Variants in SLC66A2 observed in about 807,000 individuals in gnomAD.
The protein encoded by SLC66A2 is solute carrier family 66 member 2.
A neutral mutation model predicts 25.5 loss-of-function variants in SLC66A2; 23 were observed. That is an observed-to-expected ratio of 0.90 (90% CI 0.65 to 1.28). SLC66A2 has a LOEUF of 1.28. Ranked by LOEUF, SLC66A2 falls within the 50% of genes most tolerant of loss-of-function variation. The pLI, the probability that SLC66A2 is intolerant of heterozygous loss-of-function variation, is 0.00. For missense variants in SLC66A2, 396 were observed against 373.1 expected (o/e 1.06, Z -0.51); for synonymous variants, 193 against 166.5 (o/e 1.16, Z -1.23).
intron 5 of SLC66A2, among the ~76,000 whole-genome samples, chr18:79,910,571 G>C (rs1982964226): frequency 6.6e-6 from 1 of 152,148 alleles, no homozygotes; most frequent in South Asian, 2.1e-4. Context: ...CATCACACAT[G>C]AATGAACTAA....
chr18:79,937,039 G>C lies in SLC66A2; in HGVS notation c.338-3017C>G, dbSNP rs990994111. On this transcript the variant is annotated intron_variant, in intron 3 of 5. Coordinates refer to ENST00000397778, the MANE Select transcript of SLC66A2 (RefSeq NM_025078.5). This position sits in a 1 kb window ranked among gnomAD's most constrained non-coding sequence, Gnocchi z 5.4. ...AGGCTAAGCGACACAGCCAGGCCTG[G>C]AGGTTTGAAGTCAAATGGAAAGAAT... 6.6e-6 allele frequency among the ~76,000 whole-genome samples: 1 copy of C among 152,258 alleles called. No homozygotes were observed. Among genetic ancestry groups the C allele is most frequent in the Admixed American group, 6.5e-5 (1 of 15,294 alleles).
chr18:79,924,308 C>T (rs1356311766), intron 4 of SLC66A2, among the ~76,000 whole-genome samples: 1 of 152,182 alleles, frequency 6.6e-6, no homozygotes, highest in Admixed American at 6.5e-5. Context: ...TGAAACAGGA[C>T]ACCAAGTGAC....
At chr18:79,949,893 G>C (rs894797869) in intron 2 of SLC66A2, 2 of 152,234 alleles carry the variant, frequency 1.3e-5, no homozygotes, top group African/African-American at 4.8e-5. Flanking sequence ...TTAGAATGCA[G>C]CTGTGAGACC....
rs1981712535 is a variant in SLC66A2 at position 79,904,333 on chromosome 18, C to A, written c.609-150G>T. On this transcript the variant is annotated intron_variant, in intron 5 of 5. Transcript: ENST00000397778. The surrounding 1 kb of genome is among the most constrained non-coding windows in gnomAD (Gnocchi z 6.3). ...GACCCCCAGGCAGTCGGCGGGGAGG[C>A]CTGGGGCTCAGGGGGCACCCAGGGG... 2.8e-6 allele frequency: 2 copies of A among 715,628 alleles called. No individual in the cohort carries two copies. Among genetic ancestry groups the A allele is most frequent in the African/African-American group, 3.6e-5 (2 of 54,826 alleles). The allele number at this position is 715,628 out of a possible 1,614,324, so 44.3% of individuals were successfully genotyped here. A position where few individuals can be genotyped will look rare whatever the true frequency, so the allele number is the denominator to read the frequency against.
chr18:79,935,520 G>T (rs527523403), intron 3 of SLC66A2: 1 of 152,296 alleles, frequency 6.6e-6, no homozygotes, highest in African/African-American at 2.4e-5. Flanking sequence ...CTCCACACTC[G>T]GCATCAGGAG....
chr18:79,911,143 C>T (rs969867268), intron 5 of SLC66A2, among the ~76,000 whole-genome samples: 3 of 152,220 alleles, frequency 2.0e-5, no homozygotes, highest in South Asian at 2.1e-4. Flanking sequence ...GGAGGGAAAT[C>T]GGGGGTCGGG....
At chr18:79,911,290 C>G (rs905967083) in intron 5 of SLC66A2, among the ~76,000 whole-genome samples, 2 of 152,262 alleles carry the variant, frequency 1.3e-5, no homozygotes, top group Admixed American at 1.3e-4. Context: ...ACGCCTCCAA[C>G]ACACAGAACC....
chr18:79,939,504 T>C (rs954570551), intron 3 of SLC66A2, among the ~76,000 whole-genome samples: 10 of 152,202 alleles, frequency 6.6e-5, no homozygotes, highest in Admixed American at 5.9e-4. Flanking sequence ...AAAGGTCTAA[T>C]ATCCAGCAAC....
In SLC66A2 at chr18:79,902,827, C is replaced by T. The variant is rs931639412; in HGVS notation, c.*1149G>A. The T allele has an allele frequency of 1.3e-5, 2 of 152,584 alleles. No homozygotes were observed. Among genetic ancestry groups the T allele is most frequent in the African/African-American group, 4.8e-5 (2 of 41,472 alleles). The allele number at this position is 152,584 out of a possible 1,614,324, so 9.5% of individuals were successfully genotyped here. On this transcript the variant is annotated 3_prime_UTR_variant, in exon 6 of 6. Coordinates refer to ENST00000397778, the MANE Select transcript of SLC66A2 (RefSeq NM_025078.5). ...CAAGGCTGCTGACATGGTGTGACCT[C>T]TTGCAACGGGGTGGGGGCAGAGCGT... is the stretch of plus-strand genomic sequence containing the variant.
intron 5 of SLC66A2, among the ~76,000 whole-genome samples, chr18:79,916,170 GCTCCCGTACCCTCCCATACCCA>G (rs1984073544): frequency 4.6e-5 from 2 of 43,024 alleles, no homozygotes; most frequent in African/African-American, 1.1e-4. Context: ...TACCCGCAGT[GCTCCCGTACCCTCCCATACCCA>G]CGGTGCTCCC....
intron 5 of SLC66A2, among the ~76,000 whole-genome samples, chr18:79,912,270 G>A (rs140771652): frequency 9.0e-4 from 137 of 152,178 alleles, no homozygotes; most frequent in African/African-American, 3.1e-3. Context: ...GGAAAACTAC[G>A]TCCACATAAA....
chr18:79,949,147 A>G (rs2051031309), intron 2 of SLC66A2, among the ~76,000 whole-genome samples: 2 of 152,154 alleles, frequency 1.3e-5, no homozygotes, highest in South Asian at 4.1e-4. Context: ...GGGAAGAGGC[A>G]GCCAACCCAC....
At chr18:79,916,675 C>T (rs1014104821) in intron 5 of SLC66A2, among the ~76,000 whole-genome samples, 9 of 152,258 alleles carry the variant, frequency 5.9e-5, no homozygotes, top group Non-Finnish European at 1.3e-4. Context: ...ATCTGTGTGC[C>T]GTGAGGGCGG....
At chr18:79,914,246 G>A (rs2123255083) in intron 5 of SLC66A2, among the ~76,000 whole-genome samples, 1 of 152,322 alleles carries the variant, frequency 6.6e-6, no homozygotes. Context: ...ACGTGTGTGT[G>A]CACATTTTAA....
chr18:79,927,711 T>TGGG lies in SLC66A2; in HGVS notation c.391+6257_391+6258insCCC, dbSNP rs1339056614. ...AGGCTGAGTGGGGACTGAGCACGTC[T>TGGG]AGGGCCAGAGTGGGAGGGCCAGCCG... On this transcript the variant is annotated intron_variant, in intron 4 of 5. Coordinates refer to ENST00000397778, the MANE Select transcript of SLC66A2 (RefSeq NM_025078.5). The surrounding 1 kb of genome is among the most constrained non-coding windows in gnomAD (Gnocchi z 6.2). Among the ~76,000 whole-genome samples the TGGG allele has an allele frequency of 6.6e-6, 1 of 152,056 alleles. No individual in the cohort carries two copies. The highest frequency in any genetic ancestry group is 1.5e-5 in the Non-Finnish European group (1 of 68,008).
chr18:79,912,499 C>T (rs1466940644), intron 5 of SLC66A2, among the ~76,000 whole-genome samples: 1 of 151,452 alleles, frequency 6.6e-6, no homozygotes, highest in Non-Finnish European at 1.5e-5. Flanking sequence ...GGTCACATAT[C>T]GCCAGGCCAC....
intron 1 of SLC66A2, among the ~76,000 whole-genome samples, chr18:79,951,281 G>A (rs1185178248): frequency 6.6e-6 from 1 of 151,534 alleles, no homozygotes; most frequent in African/African-American, 2.4e-5. Flanking sequence ...GCCCGGGTGC[G>A]CTTAGCCGGC....
intron 2 of SLC66A2, among the ~76,000 whole-genome samples, chr18:79,950,088 TC>T (rs2051067148): frequency 6.6e-6 from 1 of 152,146 alleles, no homozygotes; most frequent in African/African-American, 2.4e-5. Flanking sequence ...CAGCTTGTAA[TC>T]CCAGCCCTTT....
chr18:79,951,072 G>A (rs965649922), intron 1 of SLC66A2, 47 bp from the exon 2 acceptor site: 15 of 535,272 alleles, frequency 2.8e-5, no homozygotes, highest in South Asian at 1.8e-4. Context: ...GGAGGCTGGG[G>A]CGGCGCGCAC....
Sources: gnomAD v4.1 joint callset for allele counts (sites outside exome capture counted in the v4.1 genomes callset) on GRCh38, gnomAD v4.1.1 for gene constraint, Gnocchi (gnomAD v3.1) non-coding constraint, MANE v1.5 for transcripts, NCBI Gene and HGNC (gene_info 2026-07-23, HGNC 2026-07-21) for gene names.